Variants in LIX1 observed in about 807,000 individuals in gnomAD.
LIX1 encodes the protein limb and CNS expressed 1, also known as protein limb expression 1 homolog.
In LIX1, 24 loss-of-function variants were observed where a neutral mutation model predicts 33.4. That is an observed-to-expected ratio of 0.72 (90% CI 0.52 to 1.01). The LOEUF (loss-of-function observed/expected upper bound fraction) is 1.01. Ranked by LOEUF, LIX1 falls within the 50% of genes least tolerant of loss-of-function variation. LIX1 has a pLI of 0.00. For missense variants in LIX1, 311 were observed against 339.2 expected, an observed-to-expected ratio of 0.92 and a Z score of 0.65; for synonymous variants, 124 against 124.0, an observed-to-expected ratio of 1.00 and a Z score of 0.00.
chr5:97,119,989 G>C (rs193064311), intron 2 of LIX1, among the ~76,000 whole-genome samples: 1 of 152,182 alleles, frequency 6.6e-6, no homozygotes, highest in Non-Finnish European at 1.5e-5. Flanking sequence ...GCATGCCTGG[G>C]TGTGAGTACT....
rs746674134 is a variant in LIX1 at position 97,130,217 on chromosome 5, G to A, written c.83-5588C>T. On this transcript the variant is annotated intron_variant, in intron 1 of 5. Coordinates refer to ENST00000274382, the MANE Select transcript of LIX1 (RefSeq NM_153234.5). ...AGACTCAATGACAGAGATTGCTGAG[G>A]GGCTTGGTTTCCCCCGTAGAGAGAA... Among the ~76,000 whole-genome samples, 7 of 152,296 alleles carry A rather than the reference G, an allele frequency of 4.6e-5. No individual in the cohort carries two copies. The South Asian group carries it at 8.3e-4, about 18-fold the overall frequency.
At position 97,106,345 on chromosome 5, in the gene LIX1, A is replaced by C. The variant is rs377333255; in HGVS notation, c.387+1015T>G. On this transcript the variant is annotated intron_variant, in intron 3 of 5. Transcript: ENST00000274382. ...CTCCCTGGCATCTCCCAGCCAAGTC[A>C]ATCACTCTTCTTCTCCTGCTCCTTC... Among the ~76,000 whole-genome samples the C allele has an allele frequency of 5.3e-5, 8 of 152,320 alleles. No homozygotes were observed. The East Asian group carries it at 1.5e-3, about 29-fold the overall frequency.
At chr5:97,108,936 C>T (rs1415904740) in intron 2 of LIX1, among the ~76,000 whole-genome samples, 1 of 152,116 alleles carries the variant, frequency 6.6e-6, no homozygotes, top group Non-Finnish European at 1.5e-5. Flanking sequence ...GGGTTCTGTG[C>T]CACCAAACAA....
chr5:97,129,328 A>T (rs1266650066), intron 1 of LIX1, among the ~76,000 whole-genome samples: 1 of 152,196 alleles, frequency 6.6e-6, no homozygotes, highest in Non-Finnish European at 1.5e-5. Flanking sequence ...TCACTTGGGA[A>T]CTTGTTAAAA....
chr5:97,121,897 T>G (rs1747792694), intron 2 of LIX1, among the ~76,000 whole-genome samples: 1 of 152,212 alleles, frequency 6.6e-6, no homozygotes, highest in Non-Finnish European at 1.5e-5. Context: ...AGAGGACAGC[T>G]GGGTGCTTCG....
chr5:97,098,839 T>G (rs1458635714), intron 4 of LIX1, among the ~76,000 whole-genome samples: 2 of 152,250 alleles, frequency 1.3e-5, no homozygotes, highest in Non-Finnish European at 2.9e-5. Context: ...AATTATTTGG[T>G]AAATTTTAAA....
In LIX1 at chr5:97,094,709, G is replaced by A. The variant is rs1746255397; in HGVS notation, c.*39C>T. On this transcript the variant is annotated 3_prime_UTR_variant, in exon 6 of 6. Transcript: ENST00000274382. Reference sequence around the variant, plus strand: ...CACTGAGATTCCTAATGTTAATCTGGCCTCTGCCATCACTGAGGGTACCCG... The same window carrying A: ...CACTGAGATTCCTAATGTTAATCTGACCTCTGCCATCACTGAGGGTACCCG... The A allele has an allele frequency of 6.9e-6, 11 of 1,591,426 alleles. No homozygotes were observed. The highest frequency in any genetic ancestry group is 1.3e-5 in the African/African-American group (1 of 74,498).
intron 3 of LIX1, 137 bp from the exon 4 acceptor site, chr5:97,105,422 G>A: frequency 1.6e-6 from 1 of 628,062 alleles, no homozygotes; most frequent in Non-Finnish European, 2.9e-6. Flanking sequence ...CAAGTCTCCA[G>A]TAGATTTGAG....
rs1748316044 is a variant in LIX1 at position 97,142,571 on chromosome 5, G to A, written c.6C>T (p.Asp2=). The change falls in exon 1 of 6, where the codon GAC becomes GAT. Residue 2 remains aspartate (D), a synonymous_variant. Coordinates refer to ENST00000274382, the MANE Select transcript of LIX1 (RefSeq NM_153234.5). M[D]RTLESLRHII... ...TGTGTCTCAGAGATTCCAAGGTTCT[G>A]TCCATCTTGGGTCTGCCTGTGTGAG... The A allele has an allele frequency of 7.4e-6, 12 of 1,613,798 alleles. No individual in the cohort carries two copies. The highest frequency in any genetic ancestry group is 1.0e-5 in the Non-Finnish European group (12 of 1,179,690).
chr5:97,116,449 C>G (rs1293887511), intron 2 of LIX1, among the ~76,000 whole-genome samples: 1 of 151,956 alleles, frequency 6.6e-6, no homozygotes, highest in Non-Finnish European at 1.5e-5. Flanking sequence ...GGGGAGGGGA[C>G]TGCTCTGGGA....
At chr5:97,101,288 A>T (rs1746680427) in intron 4 of LIX1, among the ~76,000 whole-genome samples, 1 of 152,162 alleles carries the variant, frequency 6.6e-6, no homozygotes, top group Admixed American at 6.5e-5. Context: ...TTTTGTACCC[A>T]AGAGAAATGT....
chr5:97,131,695 G>C (rs746382960), intron 1 of LIX1, among the ~76,000 whole-genome samples: 41 of 152,384 alleles, frequency 2.7e-4, no homozygotes, highest in Non-Finnish European at 5.0e-4. Flanking sequence ...CCTAGAAGCA[G>C]TCATTGAATT....
chr5:97,109,608 G>C (rs896226021), intron 2 of LIX1, among the ~76,000 whole-genome samples: 1 of 151,948 alleles, frequency 6.6e-6, no homozygotes, highest in African/African-American at 2.4e-5. Context: ...TTGGGATACA[G>C]GTGCTTTTAG....
intron 1 of LIX1, among the ~76,000 whole-genome samples, chr5:97,126,968 C>G (rs960802182): frequency 6.6e-6 from 1 of 152,142 alleles, no homozygotes; most frequent in South Asian, 2.1e-4. Flanking sequence ...GTTGATGTAA[C>G]TCAAAATAGA....
chr5:97,135,349 T>C (rs1047819538), intron 1 of LIX1, among the ~76,000 whole-genome samples: 1 of 152,178 alleles, frequency 6.6e-6, no homozygotes, highest in East Asian at 1.9e-4. Flanking sequence ...AAGTATACCA[T>C]AGTTAAGCAG....
chr5:97,123,742 C>T (rs1747841963), intron 2 of LIX1, among the ~76,000 whole-genome samples: 1 of 152,172 alleles, frequency 6.6e-6, no homozygotes, highest in Non-Finnish European at 1.5e-5. Flanking sequence ...GAGTGCCTAC[C>T]TGTCCTCTCC....
chr5:97,102,539 A>C (rs1200006395), intron 4 of LIX1, among the ~76,000 whole-genome samples: 1 of 152,144 alleles, frequency 6.6e-6, no homozygotes. Context: ...CTTTGTCTCC[A>C]TCCTGTATCC....
intron 2 of LIX1, among the ~76,000 whole-genome samples, chr5:97,120,074 G>T (rs1747741615): frequency 6.6e-6 from 1 of 152,058 alleles, no homozygotes; most frequent in Non-Finnish European, 1.5e-5. Context: ...AATCCAGAGA[G>T]AATCATAAGA....
chr5:97,099,815 CAAGT>C, intron 4 of LIX1, among the ~76,000 whole-genome samples: 1 of 152,252 alleles, frequency 6.6e-6, no homozygotes, highest in South Asian at 2.1e-4. Context: ...CCAGCCTCGG[CAAGT>C]GAGTGAGACT....
Sources: allele counts gnomAD v4.1 joint callset (sites outside exome capture counted in the v4.1 genomes callset), GRCh38; gene constraint gnomAD v4.1.1; transcripts MANE v1.5; gene names NCBI Gene and HGNC (gene_info 2026-07-23, HGNC 2026-07-21).